The following PPP3CA variants were observed in gnomAD, a reference collection of about 807,000 sequenced individuals.
The protein encoded by PPP3CA is protein phosphatase 3 catalytic subunit alpha, also known as CAM-PRP catalytic subunit.
In PPP3CA, 14 loss-of-function variants were observed where a neutral mutation model predicts 66.5. That is an observed-to-expected ratio of 0.21 (90% CI 0.14 to 0.33). The LOEUF (loss-of-function observed/expected upper bound fraction) is 0.33. PPP3CA is among the 10% of genes least tolerant of loss of function. The pLI, the probability that PPP3CA is intolerant of heterozygous loss-of-function variation, is 1.00. For synonymous variants in PPP3CA, 232 were observed against 226.2 expected (o/e 1.03, Z -0.23); for missense variants, 317 against 639.5 (o/e 0.50, Z 5.44).
intron 2 of PPP3CA, among the ~76,000 whole-genome samples, chr4:101,176,631 A>G (rs988446021): frequency 1.3e-5 from 2 of 152,222 alleles, no homozygotes; most frequent in African/African-American, 2.4e-5. Flanking sequence ...AACATTCTTC[A>G]AAGTCAAGAA....
At chr4:101,040,599 A>AT (rs747798032) in intron 10 of PPP3CA, 33 bp from the exon 11 acceptor site, 2 of 1,535,860 alleles carry the variant, frequency 1.3e-6, no homozygotes, top group Non-Finnish European at 1.8e-6. Flanking sequence ...GTGGTCAGTA[A>AT]TTTTTTATCT....
At chr4:101,339,581 G>T (rs189207365) in intron 1 of PPP3CA, among the ~76,000 whole-genome samples, 1 of 152,036 alleles carries the variant, frequency 6.6e-6, no homozygotes, top group Admixed American at 6.6e-5. Flanking sequence ...ACTCCAATTC[G>T]CCAGTCACCA....
chr4:101,100,863 A>T (rs535189816), intron 3 of PPP3CA, among the ~76,000 whole-genome samples: 1 of 152,272 alleles, frequency 6.6e-6, no homozygotes, highest in South Asian at 2.1e-4. Context: ...TCTATAGGGA[A>T]AAGCTGCTGA....
intron 13 of PPP3CA, among the ~76,000 whole-genome samples, chr4:101,028,348 C>T (rs1020182940): frequency 6.6e-6 from 1 of 152,078 alleles, no homozygotes; most frequent in East Asian, 1.9e-4. Context: ...ATTTAAACAA[C>T]AGTCAAGTAA....
intron 2 of PPP3CA, among the ~76,000 whole-genome samples, chr4:101,177,279 C>A (rs1033584561): frequency 6.6e-6 from 1 of 152,042 alleles, no homozygotes; most frequent in Non-Finnish European, 1.5e-5. Flanking sequence ...TCAAGATATT[C>A]CCTTTGAAGT....
At chr4:101,127,282 AC>A (rs1180072333) in intron 2 of PPP3CA, among the ~76,000 whole-genome samples, 2 of 151,436 alleles carry the variant, frequency 1.3e-5, no homozygotes, top group African/African-American at 2.4e-5. Context: ...ACTGTGCTCT[AC>A]CCCCCACCAA....
At chr4:101,089,728 T>C in intron 6 of PPP3CA, among the ~76,000 whole-genome samples, 1 of 152,186 alleles carries the variant, frequency 6.6e-6, no homozygotes, top group Middle Eastern at 3.2e-3. Flanking sequence ...GCTCCAAGTA[T>C]CTCAACTATC....
chr4:101,151,283 G>A (rs1320692172), intron 2 of PPP3CA, among the ~76,000 whole-genome samples: 1 of 152,150 alleles, frequency 6.6e-6, no homozygotes, highest in South Asian at 2.1e-4. Flanking sequence ...TTTACTCTCA[G>A]GCCGGGCACG....
chr4:101,346,762 G>A lies in PPP3CA; in HGVS notation c.35C>T (p.Ser12Leu). The change falls in exon 1 of 14, where the codon TCG (serine) becomes TTG (leucine). Residue 12 changes from serine to leucine, a missense_variant. Physicochemically the swap from Ser to Leu is moderately radical, Grantham distance 145. Coordinates refer to ENST00000394854, the MANE Select transcript of PPP3CA (RefSeq NM_000944.5). ...SEPKAIDPKLSTTDRVVKAVP... is the reference protein window; with the variant it reads ...SEPKAIDPKLLTTDRVVKAVP... The stretch of plus-strand genomic sequence containing the variant: ...ACCTTTCACCACCCTGTCGGTCGTC[G>A]ACAACTTGGGATCAATTGCCTTGGG... 3 of 1,611,674 alleles carry A rather than the reference G, an allele frequency of 1.9e-6. No homozygotes were observed. Among genetic ancestry groups the A allele is most frequent in the East Asian group, 2.2e-5 (1 of 44,770 alleles).
intron 2 of PPP3CA, among the ~76,000 whole-genome samples, chr4:101,124,732 AAAG>A (rs1212006192): frequency 4.1e-4 from 27 of 66,298 alleles, no homozygotes; most frequent in Non-Finnish European, 7.0e-4. Flanking sequence ...AAAGAGAAAG[AAAG>A]AAAGAAAGAA....
intron 10 of PPP3CA, among the ~76,000 whole-genome samples, chr4:101,054,613 A>G (rs1481412703): frequency 6.6e-6 from 1 of 152,056 alleles, no homozygotes; most frequent in East Asian, 1.9e-4. Flanking sequence ...CTAATTCCCA[A>G]CTTTGCACTT....
intron 1 of PPP3CA, among the ~76,000 whole-genome samples, chr4:101,288,568 G>T (rs1258683852): frequency 6.6e-6 from 1 of 151,360 alleles, no homozygotes; most frequent in East Asian, 1.9e-4. Context: ...GGAGTGGTCG[G>T]AGGAGGGGAT....
At chr4:101,254,283 C>T (rs1030007674) in intron 1 of PPP3CA, among the ~76,000 whole-genome samples, 2 of 151,904 alleles carry the variant, frequency 1.3e-5, no homozygotes, top group Non-Finnish European at 2.9e-5. Flanking sequence ...ATATTAAGCA[C>T]TTGATGAATA....
chr4:101,107,735 T>G (rs567788690), intron 3 of PPP3CA, among the ~76,000 whole-genome samples: 1 of 152,350 alleles, frequency 6.6e-6, no homozygotes, highest in Non-Finnish European at 1.5e-5. Flanking sequence ...GATGACATGC[T>G]TTTCAACCTT....
intron 2 of PPP3CA, among the ~76,000 whole-genome samples, chr4:101,189,156 T>A (rs868673234): frequency 1.3e-5 from 2 of 152,050 alleles, no homozygotes; most frequent in Non-Finnish European, 2.9e-5. Context: ...ACTAAAAAGA[T>A]AACTGCTATG....
At chr4:101,048,371 T>C (rs1727858464) in intron 10 of PPP3CA, among the ~76,000 whole-genome samples, 1 of 152,026 alleles carries the variant, frequency 6.6e-6, no homozygotes, top group Non-Finnish European at 1.5e-5. Flanking sequence ...CTATCAAGAA[T>C]TAGATTACTC....
chr4:101,192,157 GAAGA>G (rs1724627634), intron 2 of PPP3CA, among the ~76,000 whole-genome samples: 1 of 152,170 alleles, frequency 6.6e-6, no homozygotes, highest in Non-Finnish European at 1.5e-5. Flanking sequence ...CTGTTTTCAA[GAAGA>G]CTTTAAGAGA....
intron 2 of PPP3CA, among the ~76,000 whole-genome samples, chr4:101,130,297 G>A (rs921740981): frequency 9.2e-5 from 14 of 152,080 alleles, no homozygotes; most frequent in Non-Finnish European, 2.1e-4. Flanking sequence ...AAAGTGATGG[G>A]GAGAATGGAA....
At position 101,098,502 on chromosome 4, in the gene PPP3CA, C is replaced by A; in HGVS notation, c.507G>T (p.Lys169Asn). Reference sequence around the variant, plus strand: ...AGGCATCATATACGCGTTCTGAATACTTTATTTTACCTTTTAGAAGTGATT... The same window carrying A: ...AGGCATCATATACGCGTTCTGAATAATTTATTTTACCTTTTAGAAGTGATT... ...YFTFKQECKI[K>N]YSERVYDACM... Residue 169 changes from lysine to asparagine, a missense_variant, in exon 5 of 14, where the codon AAG becomes AAT. By Grantham distance (94) the Lys-to-Asn change is moderately conservative (BLOSUM62 0). Coordinates refer to ENST00000394854, the MANE Select transcript of PPP3CA (RefSeq NM_000944.5). 6.2e-7 allele frequency: 1 copy of A among 1,604,150 alleles called. No individual in the cohort carries two copies. Among genetic ancestry groups the A allele is most frequent in the Non-Finnish European group, 8.5e-7 (1 of 1,175,178 alleles).
Sources: allele counts gnomAD v4.1 joint callset (sites outside exome capture counted in the v4.1 genomes callset), GRCh38; gene constraint gnomAD v4.1.1; transcripts MANE v1.5; gene names NCBI Gene and HGNC (gene_info 2026-07-23, HGNC 2026-07-21).